COL22A1: variants seen among roughly 807,000 people sequenced by gnomAD.
COL22A1 encodes collagen type XXII alpha 1 chain.
Under a neutral mutation model 248.9 loss-of-function variants are expected in COL22A1, and 221 were observed. The ratio of observed to expected loss-of-function variants is 0.89; its 90% CI spans 0.80 to 0.99. The LOEUF is 0.99. COL22A1 is among the 50% of genes least tolerant of loss of function. COL22A1 has a pLI of 0.00. For synonymous variants in COL22A1, 891 were observed against 793.4 expected (o/e 1.12, Z -2.07); for missense variants, 2,240 against 2,179.0 (o/e 1.03, Z -0.56).
intron 41 of COL22A1, among the ~76,000 whole-genome samples, chr8:138,666,413 T>C (rs934356071): frequency 6.6e-6 from 1 of 152,212 alleles, no homozygotes; most frequent in Non-Finnish European, 1.5e-5. Context: ...TACAAATTGG[T>C]ATTATCAACA....
intron 7 of COL22A1, among the ~76,000 whole-genome samples, chr8:138,820,409 G>A (rs1043234243): frequency 2.0e-4 from 30 of 152,032 alleles, no homozygotes; most frequent in African/African-American, 5.8e-4. Flanking sequence ...TACTTACGGT[G>A]TATGCATCTC....
At chr8:138,882,384 TCA>T (rs1824277241) in intron 2 of COL22A1, among the ~76,000 whole-genome samples, 2 of 141,816 alleles carry the variant, frequency 1.4e-5, no homozygotes, top group South Asian at 2.4e-4. Context: ...TCACACTCCC[TCA>T]CACATTACCT....
At chr8:138,647,739 G>C (rs1247951073) in intron 46 of COL22A1, among the ~76,000 whole-genome samples, 1 of 152,136 alleles carries the variant, frequency 6.6e-6, no homozygotes, top group Non-Finnish European at 1.5e-5. Context: ...GTGGAACATT[G>C]AGTGGTTCTG....
intron 44 of COL22A1, 59 bp downstream of exon 44, chr8:138,660,377 T>C (rs1823708834): frequency 2.1e-5 from 32 of 1,496,354 alleles, no homozygotes; most frequent in Non-Finnish European, 3.0e-5. Context: ...TTGCATTTTT[T>C]CTCTTGCTTA....
chr8:138,671,704 T>C (rs796699823), intron 41 of COL22A1, among the ~76,000 whole-genome samples: 4 of 152,332 alleles, frequency 2.6e-5, no homozygotes, highest in African/African-American at 9.6e-5. Flanking sequence ...GTCGTCATAT[T>C]ACAAGAAAAA....
At chr8:138,652,204 T>C (rs1007682566) in intron 45 of COL22A1, among the ~76,000 whole-genome samples, 1 of 152,240 alleles carries the variant, frequency 6.6e-6, no homozygotes, top group Non-Finnish European at 1.5e-5. Flanking sequence ...TGAAACTGGA[T>C]AGGGTTGTGT....
chr8:138,844,168 G>A lies in COL22A1; in HGVS notation c.659-10C>T, dbSNP rs776768427. 6.2e-7 allele frequency: 1 copy of A among 1,613,770 alleles called. No homozygotes were observed. The highest frequency in any genetic ancestry group is 8.5e-7 in the Non-Finnish European group (1 of 1,179,626). The stretch of plus-strand genomic sequence containing the variant: ...CTAGGACAGAGCACATCTGAGGAAA[G>A]CAAGAGGAAACAGAGACTGATGAGA... On this transcript the variant is annotated splice_polypyrimidine_tract_variant and intron_variant, in intron 3 of 64. Coordinates refer to ENST00000303045, the MANE Select transcript of COL22A1 (RefSeq NM_152888.3).
At chr8:138,710,568 A>G (rs1251611788) in intron 30 of COL22A1, among the ~76,000 whole-genome samples, 1 of 149,794 alleles carries the variant, frequency 6.7e-6, no homozygotes, top group Non-Finnish European at 1.5e-5. Context: ...AATCCATTTC[A>G]TCTTTGTAGC....
chr8:138,813,299 C>T (rs547464038), intron 7 of COL22A1, among the ~76,000 whole-genome samples: 24 of 65,798 alleles, frequency 3.6e-4, no homozygotes, highest in South Asian at 5.9e-4. Context: ...GGGAGGGACC[C>T]GGTGGGAGAT....
chr8:138,673,166 T>C (rs1252341772), intron 41 of COL22A1, among the ~76,000 whole-genome samples: 1 of 151,072 alleles, frequency 6.6e-6, no homozygotes, highest in Non-Finnish European at 1.5e-5. Flanking sequence ...GAGCATGACA[T>C]CACGGGAGGA....
intron 35 of COL22A1, 84 bp downstream of exon 35, chr8:138,693,562 C>A: frequency 7.2e-7 from 1 of 1,390,908 alleles, no homozygotes; most frequent in Admixed American, 2.0e-5. Context: ...TAGCCCAGAG[C>A]TGTGAGCCAT....
chr8:138,778,326 C>T (rs1393601249), intron 15 of COL22A1, 27 bp downstream of exon 15: 4 of 1,613,852 alleles, frequency 2.5e-6, no homozygotes, highest in African/African-American at 1.3e-5. Flanking sequence ...GGGTAGAACC[C>T]CTGCCCAGAC....
At chr8:138,681,037 A>C (rs1825923726) in intron 39 of COL22A1, among the ~76,000 whole-genome samples, 1 of 152,016 alleles carries the variant, frequency 6.6e-6, no homozygotes, top group Non-Finnish European at 1.5e-5. Context: ...TGCCTCCCCC[A>C]CTTCCCCTAG....
intron 4 of COL22A1, among the ~76,000 whole-genome samples, chr8:138,837,823 A>G (rs1820553101): frequency 2.0e-5 from 3 of 152,164 alleles, no homozygotes; most frequent in Admixed American, 2.0e-4. Context: ...AGAGAAAGGC[A>G]GAATAGGTGA....
At chr8:138,851,772 C>G (rs1821662701) in intron 3 of COL22A1, among the ~76,000 whole-genome samples, 1 of 152,106 alleles carries the variant, frequency 6.6e-6, no homozygotes, top group African/African-American at 2.4e-5. Flanking sequence ...TAATGAACAC[C>G]CAGTATGCAC....
chr8:138,610,489 A>T (rs1818771075), intron 56 of COL22A1, among the ~76,000 whole-genome samples: 1 of 152,236 alleles, frequency 6.6e-6, no homozygotes. Flanking sequence ...TCAATGGAGT[A>T]AAAATGAGGT....
At chr8:138,875,279 G>A (rs1823630789) in intron 3 of COL22A1, among the ~76,000 whole-genome samples, 1 of 152,100 alleles carries the variant, frequency 6.6e-6, no homozygotes, top group South Asian at 2.1e-4. Context: ...GAAGGCCTGG[G>A]TTCTGTTCCC....
chr8:138,596,880 C>T, intron 62 of COL22A1, 24 bp downstream of exon 62: 1 of 1,611,210 alleles, frequency 6.2e-7, no homozygotes, highest in Non-Finnish European at 8.5e-7. Flanking sequence ...CTCTGCAAGA[C>T]CGTAACACAG....
intron 12 of COL22A1, among the ~76,000 whole-genome samples, chr8:138,794,763 A>G (rs973818408): frequency 6.6e-6 from 1 of 152,192 alleles, no homozygotes; most frequent in Non-Finnish European, 1.5e-5. Flanking sequence ...TTTTGACAAC[A>G]TGAATGAATC....
Sources: allele counts gnomAD v4.1 joint callset (sites outside exome capture counted in the v4.1 genomes callset), GRCh38; gene constraint gnomAD v4.1.1; transcripts MANE v1.5; gene names NCBI Gene and HGNC (gene_info 2026-07-23, HGNC 2026-07-21).